The following CAMK2D variants were observed in gnomAD, a reference collection of about 807,000 sequenced individuals.
CAMK2D encodes calcium/calmodulin dependent protein kinase II delta.
CAMK2D carries 37 observed loss-of-function variants against 84.0 expected under a neutral mutation model. The ratio of observed to expected loss-of-function variants is 0.44; its 90% CI spans 0.34 to 0.58. The LOEUF (loss-of-function observed/expected upper bound fraction) is 0.58. CAMK2D is among the 20% of genes least tolerant of loss of function. CAMK2D has a pLI of 0.02. For synonymous variants in CAMK2D, 202 were observed against 212.5 expected, an observed-to-expected ratio of 0.95 and a Z score of 0.43; for missense variants, 448 against 652.5, an observed-to-expected ratio of 0.69 and a Z score of 3.41.
At chr4:113,729,711 A>G (rs6837738) in intron 2 of CAMK2D, among the ~76,000 whole-genome samples, 55,119 of 152,050 alleles carry the variant, frequency 0.36, 13,442 homozygotes, top group African/African-American at 0.69. Flanking sequence ...TGCCCAATTT[A>G]ACGGTGTGTA....
intron 2 of CAMK2D, among the ~76,000 whole-genome samples, chr4:113,741,303 C>T (rs913921010): frequency 3.9e-5 from 6 of 152,100 alleles, no homozygotes; most frequent in African/African-American, 4.8e-5. Flanking sequence ...AATCTTCTAT[C>T]CATGAAATTG....
chr4:113,513,964 T>C (rs1359609375), intron 10 of CAMK2D, 51 bp from the exon 11 acceptor site: 2 of 794,614 alleles, frequency 2.5e-6, no homozygotes, highest in Non-Finnish European at 4.2e-6. Flanking sequence ...TAAAACACAC[T>C]AAGTATAATA....
intron 4 of CAMK2D, among the ~76,000 whole-genome samples, chr4:113,603,773 T>TATATATA (rs2098964722): frequency 1.6e-5 from 2 of 127,968 alleles, no homozygotes; most frequent in East Asian, 2.2e-4. Flanking sequence ...TCTTGCTATT[T>TATATATA]TATATATATA....
chr4:113,672,792 T>A (rs1361844762), intron 2 of CAMK2D, among the ~76,000 whole-genome samples: 1 of 151,854 alleles, frequency 6.6e-6, no homozygotes, highest in Non-Finnish European at 1.5e-5. Context: ...AACACACACA[T>A]AAATGAGGTT....
chr4:113,735,900 A>G (rs1253454049), intron 2 of CAMK2D, among the ~76,000 whole-genome samples: 2 of 152,184 alleles, frequency 1.3e-5, no homozygotes, highest in African/African-American at 4.8e-5. Flanking sequence ...TACAAAAGAA[A>G]GTACCTAATA....
At chr4:113,461,313 T>C (rs975740453) in intron 17 of CAMK2D, among the ~76,000 whole-genome samples, 1 of 152,228 alleles carries the variant, frequency 6.6e-6, no homozygotes, top group Non-Finnish European at 1.5e-5. Context: ...ATGTGGCAGA[T>C]ATTCTTCAAA....
chr4:113,543,475 T>C (rs2098545283), intron 6 of CAMK2D, among the ~76,000 whole-genome samples: 1 of 151,552 alleles, frequency 6.6e-6, no homozygotes, highest in Non-Finnish European at 1.5e-5. Context: ...CTTGCCTCAG[T>C]CTCCCAAAGT....
chr4:113,571,034 G>A (rs1003600933), intron 4 of CAMK2D, among the ~76,000 whole-genome samples: 2 of 152,260 alleles, frequency 1.3e-5, no homozygotes, highest in African/African-American at 4.8e-5. Flanking sequence ...GCCAACAGGT[G>A]TATGAAAAAA....
chr4:113,496,059 C>T (rs760847922), intron 16 of CAMK2D, among the ~76,000 whole-genome samples: 8 of 152,132 alleles, frequency 5.3e-5, no homozygotes, highest in Non-Finnish European at 1.2e-4. Context: ...CGGCATACAG[C>T]GACAGGTCCT....
At chr4:113,663,169 ATTC>A (rs1192033067) in intron 2 of CAMK2D, among the ~76,000 whole-genome samples, 19 of 152,336 alleles carry the variant, frequency 1.2e-4, no homozygotes, top group Middle Eastern at 6.8e-3. Flanking sequence ...ACAAGTACTT[ATTC>A]TTAAGACAAG....
intron 2 of CAMK2D, among the ~76,000 whole-genome samples, chr4:113,686,032 C>T (rs2099358781): frequency 6.6e-6 from 1 of 151,020 alleles, no homozygotes; most frequent in East Asian, 1.9e-4. Context: ...CCTTGCACTC[C>T]AGCCTGGGCA....
At chr4:113,741,401 T>C (rs1389696689) in intron 2 of CAMK2D, among the ~76,000 whole-genome samples, 1 of 152,176 alleles carries the variant, frequency 6.6e-6, no homozygotes, top group African/African-American at 2.4e-5. Flanking sequence ...TATTATAGTA[T>C]ATTATTATAA....
intron 16 of CAMK2D, among the ~76,000 whole-genome samples, chr4:113,500,229 G>A (rs946752796): frequency 6.6e-6 from 1 of 152,034 alleles, no homozygotes; most frequent in African/African-American, 2.4e-5. Flanking sequence ...GCTAGAATAT[G>A]CTACATGTCT....
intron 3 of CAMK2D, among the ~76,000 whole-genome samples, chr4:113,650,163 TTAATA>T (rs1330679007): frequency 6.6e-6 from 1 of 152,126 alleles, no homozygotes; most frequent in Middle Eastern, 3.2e-3. Context: ...TTTCCCCAGA[TTAATA>T]TAATTTCCTT....
At chr4:113,462,623 T>C (rs1195359893) in intron 17 of CAMK2D, among the ~76,000 whole-genome samples, 1 of 152,062 alleles carries the variant, frequency 6.6e-6, no homozygotes, top group Admixed American at 6.6e-5. Flanking sequence ...GATCCCAAGG[T>C]TTAGCATTAT....
At position 113,759,340 on chromosome 4, in the gene CAMK2D, G is replaced by A. The variant is rs2099635543; in HGVS notation, c.140C>T (p.Thr47Ile). The change falls in exon 2 of 21, where the codon ACC becomes ATC. Residue 47 changes from threonine (T) to isoleucine (I), a missense_variant. By Grantham distance (89) the Thr-to-Ile change is moderately conservative. Coordinates refer to ENST00000511664, the MANE Select transcript of CAMK2D (RefSeq NM_001321571.2). Reference sequence around the variant, plus strand: ...CCCACCCCTAGCAGAAAGCTTTTTGGTGTTGATAATTTTGGCAGCATATTC... The same window carrying A: ...CCCACCCCTAGCAGAAAGCTTTTTGATGTTGATAATTTTGGCAGCATATTC... ...GQEYAAKIIN[T>I]KKLSARDHQK... 6.2e-7 allele frequency: 1 copy of A among 1,606,788 alleles called. No homozygotes were observed. Among genetic ancestry groups the A allele is most frequent in the Non-Finnish European group, 8.5e-7 (1 of 1,175,784 alleles).
At chr4:113,623,919 T>C (rs1039218073) in intron 3 of CAMK2D, among the ~76,000 whole-genome samples, 1 of 152,158 alleles carries the variant, frequency 6.6e-6, no homozygotes, top group African/African-American at 2.4e-5. Flanking sequence ...GTGTATTAAA[T>C]ATGTATACAT....
chr4:113,561,758 G>T (rs1369843187), intron 4 of CAMK2D, among the ~76,000 whole-genome samples: 1 of 152,104 alleles, frequency 6.6e-6, no homozygotes, highest in Non-Finnish European at 1.5e-5. Flanking sequence ...AGTTATTGCC[G>T]GTTTTATTCC....
chr4:113,677,553 G>C (rs755793491), intron 2 of CAMK2D: 375 of 981,668 alleles, frequency 3.8e-4, no homozygotes, highest in Non-Finnish European at 4.4e-4. Context: ...TCAGACATGA[G>C]GATAATCTGT....
Sources: allele counts gnomAD v4.1 joint callset (sites outside exome capture counted in the v4.1 genomes callset), GRCh38; gene constraint gnomAD v4.1.1; transcripts MANE v1.5; gene names NCBI Gene and HGNC (gene_info 2026-07-23, HGNC 2026-07-21).